The following GABRG1 variants were observed in gnomAD, a reference collection of about 807,000 sequenced individuals.
The protein encoded by GABRG1 is gamma-aminobutyric acid receptor subunit gamma-1.
Under a neutral mutation model 49.8 loss-of-function variants are expected in GABRG1, and 49 were observed. The ratio of observed to expected loss-of-function variants is 0.98; its 90% confidence interval spans 0.78 to 1.25. The LOEUF (loss-of-function observed/expected upper bound fraction) is 1.25, where lower values mean the gene tolerates loss of function less well. Among genes scored for constraint, GABRG1 ranks in the 50% most tolerant of loss-of-function variants. The pLI is 0.00. For missense variants in GABRG1, 552 were observed against 552.3 expected (o/e 1.00, Z 0.01); for synonymous variants, 232 against 185.1 (o/e 1.25, Z -2.06).
In GABRG1 at chr4:46,041,094, C is replaced by T. The variant is rs762249638; in HGVS notation, c.1292G>A (p.Arg431Lys). Residue 431 changes from arginine to lysine, a missense_variant, in exon 9 of 9, where the codon AGG becomes AAG. Transcript: ENST00000295452. Reference protein sequence around the residue: ...DCRTGSWREGRIHIRIAKIDS... With the variant: ...DCRTGSWREGKIHIRIAKIDS... Reference sequence around the variant, plus strand: ...AATTTTGGCAATGCGTATGTGTATCCTTCCTTCCCTCCAAGATCCTGTTCT... The same window carrying T: ...AATTTTGGCAATGCGTATGTGTATCTTTCCTTCCCTCCAAGATCCTGTTCT... The T allele has an allele frequency of 2.0e-5, 33 of 1,610,952 alleles. No individual in the cohort carries two copies. In the East Asian group the frequency reaches 7.1e-4, roughly 35 times the overall value.
intron 1 of GABRG1, among the ~76,000 whole-genome samples, chr4:46,117,814 GTATCTA>G (rs1577673738): frequency 1.8e-5 from 2 of 112,614 alleles, no homozygotes; most frequent in Non-Finnish European, 3.5e-5. Flanking sequence ...GTATACATGT[GTATCTA>G]TATACATATA....
intron 8 of GABRG1, among the ~76,000 whole-genome samples, chr4:46,046,649 C>G (rs1463309497): frequency 6.6e-6 from 1 of 151,996 alleles, no homozygotes; most frequent in African/African-American, 2.4e-5. Context: ...TGAAAAGGAG[C>G]TGTGGGTGAG....
chr4:46,104,631 T>C (rs1365216570), intron 1 of GABRG1, among the ~76,000 whole-genome samples: 1 of 151,490 alleles, frequency 6.6e-6, no homozygotes, highest in South Asian at 2.1e-4. Context: ...AAAACACCTA[T>C]TTATATGTAT....
intron 2 of GABRG1, among the ~76,000 whole-genome samples, chr4:46,085,317 C>T (rs1259197933): frequency 6.6e-6 from 1 of 151,512 alleles, no homozygotes; most frequent in Non-Finnish European, 1.5e-5. Context: ...TAAACATATA[C>T]ATTAGAAAAA....
At chr4:46,090,657 T>C (rs1382890468) in intron 2 of GABRG1, among the ~76,000 whole-genome samples, 16 of 151,966 alleles carry the variant, frequency 1.1e-4, no homozygotes, top group Admixed American at 9.2e-4. Context: ...AAGAAAACTA[T>C]AAATTTTTTT....
chr4:46,037,043 C>T lies in GABRG1; in HGVS notation c.*3945G>A, dbSNP rs1438915886. The T allele has an allele frequency of 1.3e-5, 2 of 151,760 alleles. No individual in the cohort carries two copies. The highest frequency in any genetic ancestry group is 4.8e-5 in the African/African-American group (2 of 41,408). 9.4% of individuals were successfully genotyped at this position (151,760 alleles called of 1,614,324 possible). ...TCTCTCTCCCTCTTACCTGTTGAAT[C>T]CCCAGCTCGCATCTCTAAACACATA... On this transcript the variant is annotated 3_prime_UTR_variant, in exon 9 of 9. Coordinates refer to ENST00000295452, the MANE Select transcript of GABRG1 (RefSeq NM_173536.4).
At chr4:46,115,462 T>A (rs996017752) in intron 1 of GABRG1, among the ~76,000 whole-genome samples, 1 of 150,750 alleles carries the variant, frequency 6.6e-6, no homozygotes, top group African/African-American at 2.4e-5. Flanking sequence ...CATTTTTTTC[T>A]TATGTTTCAA....
At chr4:46,074,079 C>G (rs1391942083) in intron 3 of GABRG1, among the ~76,000 whole-genome samples, 1 of 152,122 alleles carries the variant, frequency 6.6e-6, no homozygotes, top group Non-Finnish European at 1.5e-5. Context: ...GTTCTGCTTC[C>G]TAGAAAAGCT....
intron 1 of GABRG1, among the ~76,000 whole-genome samples, chr4:46,102,185 GTGGCATCCCTGAAA>G (rs1720402395): frequency 6.6e-6 from 1 of 151,530 alleles, no homozygotes; most frequent in African/African-American, 2.4e-5. Context: ...GAAAATTATT[GTGGCATCCCTGAAA>G]ATTTGCCACT....
At chr4:46,108,401 C>T (rs565942745) in intron 1 of GABRG1, among the ~76,000 whole-genome samples, 4 of 151,036 alleles carry the variant, frequency 2.6e-5, no homozygotes, top group Non-Finnish European at 5.9e-5. Context: ...TTCACATTTG[C>T]TTTGCTTAAT....
rs181877104 is a variant in GABRG1, at chr4:46,105,401, T to A, written c.105-8052A>T. 2.6e-3 allele frequency among the ~76,000 whole-genome samples: 395 copies of A among 151,624 alleles called. 1 individual carries two copies. Among genetic ancestry groups the A allele is most frequent in the African/African-American group, 8.9e-3 (368 of 41,454 alleles). ...ATACAGACAAATATAAACACTACTG[T>A]TTTTTTGTAATGTGGTAGAAGACAG... On this transcript the variant is annotated intron_variant, in intron 1 of 8. Transcript: ENST00000295452.
At chr4:46,049,593 T>G (rs952733334) in intron 8 of GABRG1, among the ~76,000 whole-genome samples, 11 of 151,968 alleles carry the variant, frequency 7.2e-5, no homozygotes, top group Admixed American at 3.3e-4. Flanking sequence ...TTTCCATAAT[T>G]AGTAGTTTGC....
chr4:46,102,606 C>T (rs1483025211), intron 1 of GABRG1, among the ~76,000 whole-genome samples: 1 of 128,970 alleles, frequency 7.8e-6, no homozygotes, highest in East Asian at 2.0e-4. Flanking sequence ...AAGACTTCTT[C>T]ACACATTCAA....
At chr4:46,096,720 A>G (rs1720175131) in intron 2 of GABRG1, among the ~76,000 whole-genome samples, 1 of 151,684 alleles carries the variant, frequency 6.6e-6, no homozygotes, top group Non-Finnish European at 1.5e-5. Context: ...AAAGACGTTT[A>G]AGCAAGCATC....
chr4:46,053,258 T>C (rs1718305712), intron 7 of GABRG1, among the ~76,000 whole-genome samples: 1 of 151,894 alleles, frequency 6.6e-6, no homozygotes, highest in South Asian at 2.1e-4. Context: ...TTTTGTATTT[T>C]AGTAATATCT....
At chr4:46,068,612 C>T (rs1042625189) in intron 3 of GABRG1, among the ~76,000 whole-genome samples, 2 of 152,064 alleles carry the variant, frequency 1.3e-5, no homozygotes, top group African/African-American at 2.4e-5. Context: ...ATCCCAAGCC[C>T]TTTGCAGAAG....
At chr4:46,087,637 G>A (rs887083842) in intron 2 of GABRG1, among the ~76,000 whole-genome samples, 19 of 151,704 alleles carry the variant, frequency 1.3e-4, no homozygotes, top group African/African-American at 4.6e-4. Flanking sequence ...GTTATTAAAT[G>A]GTAGAGCTTA....
At chr4:46,042,825 T>A (rs555821734) in intron 8 of GABRG1, among the ~76,000 whole-genome samples, 2 of 152,018 alleles carry the variant, frequency 1.3e-5, no homozygotes, top group Non-Finnish European at 2.9e-5. Flanking sequence ...TAGAGACAAA[T>A]GTGCACCTTG....
intron 8 of GABRG1, among the ~76,000 whole-genome samples, chr4:46,046,971 C>T (rs892162920): frequency 1.1e-4 from 16 of 152,066 alleles, no homozygotes; most frequent in Non-Finnish European, 2.1e-4. Context: ...ATAAACCACT[C>T]TTCTATCCTC....
Sources: allele counts gnomAD v4.1 joint callset (sites outside exome capture counted in the v4.1 genomes callset), GRCh38; gene constraint gnomAD v4.1.1; transcripts MANE v1.5; gene names NCBI Gene and HGNC (gene_info 2026-07-23, HGNC 2026-07-21).